The following VPS13D variants were observed in gnomAD, a reference collection of about 807,000 sequenced individuals.
VPS13D encodes the protein intermembrane lipid transfer protein VPS13D.
Under a neutral mutation model 461.9 loss-of-function variants are expected in VPS13D, and 187 were observed. The observed-to-expected ratio is 0.40, with a 90% CI of 0.36 to 0.46. The LOEUF (loss-of-function observed/expected upper bound fraction) is 0.46, where lower values mean the gene tolerates loss of function less well. Among genes scored for constraint, VPS13D ranks in the 20% least tolerant of loss-of-function variants. The pLI is 0.60. For synonymous variants in VPS13D, 1,951 were observed against 1,986.3 expected (o/e 0.98, Z 0.47); for missense variants, 4,711 against 5,364.9 (o/e 0.88, Z 3.81).
At chr1:12,372,247 G>GAC (rs2101631132) in intron 54 of VPS13D, among the ~76,000 whole-genome samples, 1 of 152,136 alleles carries the variant, frequency 6.6e-6, no homozygotes, top group South Asian at 2.1e-4. Flanking sequence ...TTTTGGTAGA[G>GAC]ACAGGGTCTC....
intron 60 of VPS13D, among the ~76,000 whole-genome samples, chr1:12,394,889 CAATA>C (rs1345397521): frequency 7.2e-5 from 11 of 152,210 alleles, no homozygotes; most frequent in Non-Finnish European, 1.6e-4. Flanking sequence ...GGGCCCAGAT[CAATA>C]AATCCTGATC....
At chr1:12,451,818 A>G (rs1645265357) in intron 65 of VPS13D, among the ~76,000 whole-genome samples, 1 of 152,172 alleles carries the variant, frequency 6.6e-6, no homozygotes, top group South Asian at 2.1e-4. Flanking sequence ...GATTATTCCC[A>G]TTTTGCATAT....
intron 60 of VPS13D, among the ~76,000 whole-genome samples, chr1:12,390,292 A>C (rs1404468887): frequency 6.6e-6 from 1 of 152,002 alleles, no homozygotes; most frequent in African/African-American, 2.4e-5. Flanking sequence ...CAGAGCATAC[A>C]TAGCCTTCTG....
At chr1:12,309,761 C>CAAAAA (rs1398161248) in intron 27 of VPS13D, among the ~76,000 whole-genome samples, 1 of 73,012 alleles carries the variant, frequency 1.4e-5, no homozygotes, top group Admixed American at 1.5e-4. Flanking sequence ...GACTCAGTCT[C>CAAAAA]AAAAAAAAAA....
chr1:12,481,462 A>G (rs1322417987), intron 67 of VPS13D, among the ~76,000 whole-genome samples: 1 of 152,204 alleles, frequency 6.6e-6, no homozygotes, highest in Non-Finnish European at 1.5e-5. Flanking sequence ...CCTACAGTCC[A>G]GGAGTTCAAA....
At chr1:12,414,254 AG>A (rs1644767476) in intron 63 of VPS13D, among the ~76,000 whole-genome samples, 1 of 152,046 alleles carries the variant, frequency 6.6e-6, no homozygotes, top group Non-Finnish European at 1.5e-5. Flanking sequence ...ACTGCATTCC[AG>A]CCAGGACAAC....
rs764735483 is a variant in VPS13D, at chr1:12,311,446, T to C, written c.6651-8T>C. The C allele has an allele frequency of 8.8e-6, 14 of 1,595,696 alleles. No individual in the cohort carries two copies. The highest frequency in any genetic ancestry group is 1.1e-5 in the Non-Finnish European group (13 of 1,172,734). On this transcript the variant is annotated splice_region_variant and splice_polypyrimidine_tract_variant and intron_variant, in intron 27 of 69. Transcript: ENST00000620676. Reference sequence around the variant, plus strand: ...GTCTGTGTAAGTGATCTTTTTTCTTTTTCATAGAGAAATAAGTCATACTGT... The same window carrying C: ...GTCTGTGTAAGTGATCTTTTTTCTTCTTCATAGAGAAATAAGTCATACTGT...
At chr1:12,472,400 C>T (rs893957546) in intron 67 of VPS13D, among the ~76,000 whole-genome samples, 3 of 152,166 alleles carry the variant, frequency 2.0e-5, no homozygotes, top group Non-Finnish European at 4.4e-5. Context: ...GCCTTTTAAC[C>T]AATCTTCCTG....
At chr1:12,239,292 A>G (rs962727114) in intron 2 of VPS13D, among the ~76,000 whole-genome samples, 7 of 152,128 alleles carry the variant, frequency 4.6e-5, no homozygotes, top group African/African-American at 7.2e-5. Flanking sequence ...ATGTACCACC[A>G]TAGGTCCGGC....
chr1:12,355,891 T>C lies in VPS13D; in HGVS notation c.9680-8T>C, dbSNP rs771025726. On this transcript the variant is annotated splice_polypyrimidine_tract_variant and splice_region_variant and intron_variant, in intron 47 of 69. Transcript: ENST00000620676. ...ACTCTGAAAGTTAATAGTTTGTATC[T>C]TCTTTAGGGGTATCACTGGAGAATT... 1 of 1,528,640 alleles carries C rather than the reference T, an allele frequency of 6.5e-7. No individual in the cohort carries two copies. The highest frequency in any genetic ancestry group is 8.8e-7 in the Non-Finnish European group (1 of 1,133,156). The allele number at this position is 1,528,640 out of a possible 1,614,324, so 94.7% of individuals were successfully genotyped here.
At chr1:12,478,960 G>A (rs1418806450) in intron 67 of VPS13D, 1 of 451,014 alleles carries the variant, frequency 2.2e-6, no homozygotes, top group East Asian at 7.0e-5. Context: ...GCTGTTAATA[G>A]CCTTGCTTTC....
rs1646155986 is a variant in VPS13D at position 12,509,431 on chromosome 1, C to T, written c.*407C>T. 1 of 155,652 alleles carries T rather than the reference C, an allele frequency of 6.4e-6. No individual in the cohort carries two copies. Among genetic ancestry groups the T allele is most frequent in the Admixed American group, 6.5e-5 (1 of 15,368 alleles). 9.6% of individuals were successfully genotyped at this position (155,652 alleles called of 1,614,324 possible). A position where few individuals can be genotyped will look rare whatever the true frequency, so the allele number is the denominator to read the frequency against. Reference sequence around the variant, plus strand: ...AAAGTAATATAAAGTTATATTGGATCTTCTATTGCACTAATTCTAGATGTC... The same window carrying T: ...AAAGTAATATAAAGTTATATTGGATTTTCTATTGCACTAATTCTAGATGTC... On this transcript the variant is annotated 3_prime_UTR_variant, in exon 70 of 70. Coordinates refer to ENST00000620676, the MANE Select transcript of VPS13D (RefSeq NM_015378.4).
intron 65 of VPS13D, among the ~76,000 whole-genome samples, chr1:12,448,521 C>A (rs1219038899): frequency 3.3e-5 from 5 of 152,046 alleles, no homozygotes. Flanking sequence ...ATAAGCATAC[C>A]CCCCTTCTGC....
chr1:12,423,500 G>A (rs977179508), intron 65 of VPS13D, among the ~76,000 whole-genome samples: 1 of 152,254 alleles, frequency 6.6e-6, no homozygotes, highest in Non-Finnish European at 1.5e-5. Context: ...AGCAAGTTGA[G>A]ACCGAGAAAA....
intron 28 of VPS13D, 70 bp downstream of exon 28, chr1:12,311,695 C>T: frequency 1.3e-6 from 2 of 1,591,712 alleles, no homozygotes; most frequent in Non-Finnish European, 8.6e-7. Context: ...GTATCTATTC[C>T]TCAAACTCAC....
At chr1:12,319,832 TA>T (rs1308453410) in intron 32 of VPS13D, among the ~76,000 whole-genome samples, 3 of 152,252 alleles carry the variant, frequency 2.0e-5, no homozygotes, top group Non-Finnish European at 2.9e-5. Context: ...TGTTAGTCTA[TA>T]AATATGCAGA....
Position 12,356,051 on chromosome 1 carries a change from A to G in VPS13D, c.9832A>G (p.Ile3278Val), listed in dbSNP as rs768526254. 4 of 1,613,662 alleles carry G rather than the reference A, an allele frequency of 2.5e-6. No individual in the cohort carries two copies. Among genetic ancestry groups the G allele is most frequent in the Non-Finnish European group, 2.5e-6 (3 of 1,179,854 alleles). Residue 3278 changes from isoleucine to valine, a missense_variant, in exon 48 of 70, where the codon ATC (isoleucine) becomes GTC (valine). This residue lies in a region of VPS13D where 4,411 missense variants were observed against 4,937.8 expected (regional missense o/e 0.89). Coordinates refer to ENST00000620676, the MANE Select transcript of VPS13D (RefSeq NM_015378.4). The part of the protein sequence containing the change: ...IVCRAEGSLK[I>V]FISAPYWLIN... ...GTGTCGAGCAGAAGGATCCTTAAAG[A>G]TCTTCATTTCTGCTCCATATTGGCT...
chr1:12,421,254 G>A (rs566598942), intron 65 of VPS13D, among the ~76,000 whole-genome samples: 56 of 152,280 alleles, frequency 3.7e-4, no homozygotes, highest in Middle Eastern at 3.4e-3. Context: ...GATGACTCTA[G>A]CCCTTAGCGG....
chr1:12,244,430 A>T lies in VPS13D; in HGVS notation c.360A>T (p.Lys120Asn), dbSNP rs1389043741. ...CACTACTTCAAGCCCTGGAGGAGAA[A>T]TGGAAGGCAAGGCAGAGATCTTCTG... ...KKALLQALEE[K>N]WKNDRQQKGE... The change falls in exon 4 of 70, where the codon AAA (lysine) becomes AAT (asparagine). Residue 120 changes from lysine to asparagine, a missense_variant. Coordinates refer to ENST00000620676, the MANE Select transcript of VPS13D (RefSeq NM_015378.4). 1 of 1,614,144 alleles carries T rather than the reference A, an allele frequency of 6.2e-7. No homozygotes were observed. Among genetic ancestry groups the T allele is most frequent in the Middle Eastern group, 1.6e-4 (1 of 6,062 alleles).
Sources: allele counts gnomAD v4.1 joint callset (sites outside exome capture counted in the v4.1 genomes callset), GRCh38; gene constraint gnomAD v4.1.1; regional missense constraint gnomAD v4.1.1; transcripts MANE v1.5; gene names NCBI Gene and HGNC (gene_info 2026-07-23, HGNC 2026-07-21).